The following SLC30A3 variants were observed in gnomAD, a reference collection of about 807,000 sequenced individuals.
SLC30A3 encodes solute carrier family 30 member 3.
Under a neutral mutation model 35.6 loss-of-function variants are expected in SLC30A3, and 20 were observed. That is an observed-to-expected ratio of 0.56 (90% CI 0.39 to 0.82). The LOEUF (loss-of-function observed/expected upper bound fraction) is 0.82, where lower values mean the gene tolerates loss of function less well. SLC30A3 is among the 40% of genes least tolerant of loss of function. The pLI, the probability that SLC30A3 is intolerant of heterozygous loss-of-function variation, is 0.00. For synonymous variants in SLC30A3, 217 were observed against 224.7 expected (o/e 0.97, Z 0.31); for missense variants, 401 against 530.6 (o/e 0.76, Z 2.40).
upstream of SLC30A3, among the ~76,000 whole-genome samples, chr2:27,267,566 T>A (rs188426420): frequency 1.5e-3 from 225 of 152,228 alleles, 1 homozygote; most frequent in Non-Finnish European, 2.8e-3. Context: ...GATGTGCTCA[T>A]GACCTACCTC....
Position 27,256,781 on chromosome 2 carries a change from G to C in SLC30A3, c.883+7C>G, listed in dbSNP as rs757520204. 6.3e-7 allele frequency: 1 copy of C among 1,584,740 alleles called. No individual in the cohort carries two copies. Among genetic ancestry groups the C allele is most frequent in the Admixed American group, 1.8e-5 (1 of 55,270 alleles). On this transcript the variant is annotated splice_region_variant and intron_variant, in intron 6 of 7. Transcript: ENST00000233535. ...ACAGGGATGGGGAGCTGTGGTGCCC[G>C]ACTCACCTTCCATGAGGATTCGAAG...
rs761652396 is a variant in SLC30A3, at chr2:27,257,493, C to T, written c.579-141G>A. 9 of 792,914 alleles carry T rather than the reference C, an allele frequency of 1.1e-5. No homozygotes were observed. The South Asian group carries it at 1.1e-4, about 10-fold the overall frequency. 49.1% of individuals were successfully genotyped at this position (792,914 alleles called of 1,614,324 possible). ...TTTGCAAGAGAGATAAACAATGCAG[C>T]CTGGGGGAAAGAATACCAGACTTGG... On this transcript the variant is annotated intron_variant, in intron 4 of 7. Transcript: ENST00000233535. The surrounding 1 kb of genome is among the most constrained non-coding windows in gnomAD (Gnocchi z 4.7).
chr2:27,275,052 G>T (rs1677944294), intron 1 of SLC30A3: 2 of 468,420 alleles, frequency 4.3e-6, no homozygotes, highest in African/African-American at 2.0e-5. Context: ...CATATGAGTT[G>T]GGTCTTCCAG....
chr2:27,257,832 C>A lies in SLC30A3; in HGVS notation c.578+73G>T. On this transcript the variant is annotated intron_variant, in intron 4 of 7. Transcript: ENST00000233535. This position sits in a 1 kb window ranked among gnomAD's most constrained non-coding sequence, Gnocchi z 4.7. The stretch of plus-strand genomic sequence containing the variant: ...TGTGTGTCTGGTGGGGAGGAGAGAG[C>A]CAGCTCTCCCATCCTGGAGGAAGAC... 7 of 1,454,632 alleles carry A rather than the reference C, an allele frequency of 4.8e-6. No individual in the cohort carries two copies. Among genetic ancestry groups the A allele is most frequent in the Non-Finnish European group, 4.7e-6 (5 of 1,063,806 alleles). The allele number at this position is 1,454,632 out of a possible 1,614,324, so 90.1% of individuals were successfully genotyped here.
At chr2:27,269,132 C>CA (rs897433650) in intron 1 of SLC30A3, among the ~76,000 whole-genome samples, 26 of 147,246 alleles carry the variant, frequency 1.8e-4, no homozygotes, top group African/African-American at 6.0e-4. Context: ...GAGAAACAAA[C>CA]AAAAAAAATA....
upstream of SLC30A3, among the ~76,000 whole-genome samples, chr2:27,266,715 G>A (rs1180046198): frequency 1.3e-5 from 2 of 152,070 alleles, no homozygotes; most frequent in African/African-American, 4.8e-5. Context: ...GGCCAACATG[G>A]TGAAACCCCA....
chr2:27,273,092 AGT>A (rs58847409), intron 1 of SLC30A3, among the ~76,000 whole-genome samples: 9,130 of 140,200 alleles, frequency 0.065, 671 homozygotes, highest in African/African-American at 0.19. Context: ...ACATATACAC[AGT>A]GTGTGTGTGT....
intron 1 of SLC30A3, among the ~76,000 whole-genome samples, chr2:27,272,385 A>G (rs1677761558): frequency 6.6e-6 from 1 of 152,134 alleles, no homozygotes. Context: ...TCAAGAAATC[A>G]TTCATTCACT....
intron 1 of SLC30A3, among the ~76,000 whole-genome samples, chr2:27,260,605 T>C: frequency 6.6e-6 from 1 of 152,120 alleles, no homozygotes; most frequent in Non-Finnish European, 1.5e-5. Context: ...GTGACAAGAA[T>C]ACCCACAAGT....
At chr2:27,256,572 G>A (rs776456398) in intron 6 of SLC30A3, 52 bp from the exon 7 acceptor site, 4 of 1,609,522 alleles carry the variant, frequency 2.5e-6, no homozygotes, top group African/African-American at 2.7e-5. Context: ...CTGCCCAGAA[G>A]CAGCACCCCC....
chr2:27,263,384 G>T, upstream of SLC30A3: 1 of 457,110 alleles, frequency 2.2e-6, no homozygotes, highest in African/African-American at 2.0e-5. Context: ...TGCCTGCGCG[G>T]GGGTGTCGCC....
intron 1 of SLC30A3, chr2:27,275,130 AC>A: frequency 8.0e-7 from 1 of 1,247,250 alleles, no homozygotes; most frequent in Non-Finnish European, 1.1e-6. Context: ...CCTGAAGACA[AC>A]TGGGAAGGTA....
upstream of SLC30A3, among the ~76,000 whole-genome samples, chr2:27,267,241 T>G (rs1677532550): frequency 6.6e-6 from 1 of 152,200 alleles, no homozygotes; most frequent in Admixed American, 6.5e-5. Flanking sequence ...TCTGTCTTCT[T>G]GATTACTGCA....
At chr2:27,273,280 C>A (rs945491039) in intron 1 of SLC30A3, among the ~76,000 whole-genome samples, 1 of 151,876 alleles carries the variant, frequency 6.6e-6, no homozygotes, top group South Asian at 2.1e-4. Flanking sequence ...GGAGGGAACA[C>A]GATGTTTTCA....
At chr2:27,256,168 G>A in intron 7 of SLC30A3, 1 of 594,260 alleles carries the variant, frequency 1.7e-6, no homozygotes, top group Non-Finnish European at 3.0e-6. Context: ...ACTGCCCCCA[G>A]AACACTGCAT....
At chr2:27,266,875 T>A (rs1677520027), upstream of SLC30A3, among the ~76,000 whole-genome samples, 1 of 152,172 alleles carries the variant, frequency 6.6e-6, no homozygotes, top group African/African-American at 2.4e-5. Context: ...CCAGCCTGGA[T>A]GACAGGTGAG....
chr2:27,275,434 C>T (rs1677973333), upstream of SLC30A3: 1 of 358,956 alleles, frequency 2.8e-6, no homozygotes, highest in Non-Finnish European at 5.5e-6. Context: ...AAACGACCTG[C>T]CCAGACCCTC....
chr2:27,272,921 G>A (rs978610672), intron 1 of SLC30A3, among the ~76,000 whole-genome samples: 2 of 151,392 alleles, frequency 1.3e-5, no homozygotes, highest in South Asian at 2.1e-4. Flanking sequence ...GCATGCTGGT[G>A]CATGCCTTTA....
intron 1 of SLC30A3, among the ~76,000 whole-genome samples, chr2:27,260,028 G>GGCAC (rs1426072497): frequency 6.6e-6 from 1 of 152,176 alleles, no homozygotes; most frequent in Non-Finnish European, 1.5e-5. Flanking sequence ...TGCTATGCCA[G>GGCAC]GCACGCCAAG....
Sources: gnomAD v4.1 joint callset for allele counts (sites outside exome capture counted in the v4.1 genomes callset) on GRCh38, gnomAD v4.1.1 for gene constraint, Gnocchi (gnomAD v3.1) non-coding constraint, MANE v1.5 for transcripts, NCBI Gene and HGNC (gene_info 2026-07-23, HGNC 2026-07-21) for gene names.